ARHGAP21: variants seen among roughly 807,000 people sequenced by gnomAD.
The protein encoded by ARHGAP21 is rho GTPase-activating protein 21.
In ARHGAP21, 38 loss-of-function variants were observed where a neutral mutation model predicts 164.6. The ratio of observed to expected loss-of-function variants is 0.23; its 90% CI spans 0.18 to 0.30. ARHGAP21 has a LOEUF of 0.30. Ranked by LOEUF, ARHGAP21 falls within the 10% of genes least tolerant of loss-of-function variation. The pLI is 1.00. For synonymous variants in ARHGAP21, 766 were observed against 857.9 expected (o/e 0.89, Z 1.87); for missense variants, 1,822 against 2,370.7 (o/e 0.77, Z 4.81).
At chr10:24,592,573 C>T (rs368535386) in intron 21 of ARHGAP21, among the ~76,000 whole-genome samples, 3 of 151,820 alleles carry the variant, frequency 2.0e-5, no homozygotes, top group East Asian at 1.9e-4. Context: ...TTTGGGGGAC[C>T]GAGTCAGGTG....
intron 3 of ARHGAP21, among the ~76,000 whole-genome samples, chr10:24,668,828 T>C (rs962959241): frequency 6.6e-6 from 1 of 152,178 alleles, no homozygotes; most frequent in South Asian, 2.1e-4. Flanking sequence ...TAATAATACA[T>C]GTTTATATAA....
intron 4 of ARHGAP21, among the ~76,000 whole-genome samples, chr10:24,663,952 A>C (rs1457785180): frequency 1.3e-5 from 2 of 152,218 alleles, no homozygotes; most frequent in Non-Finnish European, 2.9e-5. Flanking sequence ...GTGTATAAAG[A>C]GGGTACATTA....
intron 7 of ARHGAP21, among the ~76,000 whole-genome samples, chr10:24,626,041 A>G (rs1835109288): frequency 6.6e-6 from 1 of 152,190 alleles, no homozygotes; most frequent in African/African-American, 2.4e-5. Flanking sequence ...TTATTATACC[A>G]GACATGCTGT....
chr10:24,624,209 A>G (rs1437217392), intron 7 of ARHGAP21, among the ~76,000 whole-genome samples: 1 of 152,184 alleles, frequency 6.6e-6, no homozygotes, highest in African/African-American at 2.4e-5. Context: ...GAATTCATTC[A>G]AGAACATTTT....
chr10:24,595,958 T>C lies in ARHGAP21; in HGVS notation c.3563A>G (p.Asn1188Ser). The C allele has an allele frequency of 6.2e-7, 1 of 1,613,530 alleles. No homozygotes were observed. The highest frequency in any genetic ancestry group is 1.1e-5 in the South Asian group (1 of 90,976). Reference protein sequence around the residue: ...EYTGIYRVPGNNAAISSMQEE... With the variant: ...EYTGIYRVPGSNAAISSMQEE... The stretch of plus-strand genomic sequence containing the variant: ...TTGCATACTTGAGATGGCTGCATTA[T>C]TTCCAGGAACTCTATAAATACCTGT... Residue 1188 changes from asparagine to serine, a missense_variant, in exon 18 of 26, where the codon AAT (asparagine) becomes AGT (serine). Physicochemically the swap from Asn to Ser is conservative, Grantham distance 46. Transcript: ENST00000396432.
Position 24,584,590 on chromosome 10 carries a change from G to A in ARHGAP21, c.5699C>T (p.Ser1900Phe). The A allele has an allele frequency of 6.2e-7, 1 of 1,613,918 alleles. No individual in the cohort carries two copies. Among genetic ancestry groups the A allele is most frequent in the South Asian group, 1.1e-5 (1 of 91,068 alleles). The change falls in exon 26 of 26, where the codon TCC (serine) becomes TTC (phenylalanine). Residue 1900 changes from serine (S) to phenylalanine (F), a missense_variant. By Grantham distance (155) the Ser-to-Phe change is radical. Transcript: ENST00000396432. ...CCTGTTTGTTGAAGCCAAGGTGCTG[G>A]AAGAACTGCCTGTGTTGCAATGAAG... ...LSLHCNTGSS[S>F]STLASTNRPL... is the part of the protein sequence containing the mutation.
In ARHGAP21 at chr10:24,595,178, T is replaced by G; in HGVS notation, c.3725A>C (p.Asp1242Ala). The G allele has an allele frequency of 2.5e-6, 4 of 1,611,216 alleles. No homozygotes were observed. Among genetic ancestry groups the G allele is most frequent in the Non-Finnish European group, 2.5e-6 (3 of 1,178,882 alleles). ...EPLFTNDKYA[D>A]FIEANRKEDP... is the part of the protein sequence containing the mutation. ...TTCTTTACGATTGGCTTCAATAAAATCAGCATATTTATCTGACGACAAGAA... is the reference window on the plus strand; with the variant it reads ...TTCTTTACGATTGGCTTCAATAAAAGCAGCATATTTATCTGACGACAAGAA... Residue 1242 changes from aspartate (D) to alanine (A), a missense_variant, in exon 20 of 26, where the codon GAT becomes GCT. Transcript: ENST00000396432.
intron 2 of ARHGAP21, among the ~76,000 whole-genome samples, chr10:24,694,160 C>T (rs1842959876): frequency 6.6e-6 from 1 of 152,192 alleles, no homozygotes; most frequent in African/African-American, 2.4e-5. Flanking sequence ...TACCATTCAA[C>T]TCACCCATAC....
chr10:24,671,849 G>A (rs1208331076), intron 2 of ARHGAP21, among the ~76,000 whole-genome samples: 1 of 149,104 alleles, frequency 6.7e-6, no homozygotes, highest in African/African-American at 2.5e-5. Context: ...CACCCTCCCA[G>A]GTAGATGGGA....
intron 2 of ARHGAP21, among the ~76,000 whole-genome samples, chr10:24,681,388 T>C (rs192343034): frequency 5.4e-4 from 82 of 152,292 alleles, no homozygotes; most frequent in African/African-American, 1.9e-3. Flanking sequence ...ATGAAAGAGA[T>C]AGGGCTGTCA....
rs35692163 is a variant in ARHGAP21 at position 24,671,884 on chromosome 10, A to ATT, written c.64-1489_64-1488dup. Among the ~76,000 whole-genome samples the ATT allele has an allele frequency of 6.1e-4, 50 of 82,542 alleles. 1 individual carries two copies. The highest frequency in any genetic ancestry group is 8.3e-4 in the South Asian group (2 of 2,414). 54.2% of individuals were successfully genotyped at this position (82,542 alleles called of 152,430 possible). On this transcript the variant is annotated intron_variant, in intron 2 of 25. Coordinates refer to ENST00000396432, the MANE Select transcript of ARHGAP21 (RefSeq NM_020824.4). ...ACTACAGGTGAATGTCATCAAGCTA[A>ATT]TTTTTTTTTTTTTTTTTTTTTTTTT...
rs768163077 is a variant in ARHGAP21, at chr10:24,621,211, G to A, written c.684C>T (p.Ser228=). Residue 228 remains serine, a synonymous_variant, in exon 9 of 26, where the codon AGC becomes AGT. Coordinates refer to ENST00000396432, the MANE Select transcript of ARHGAP21 (RefSeq NM_020824.4). ...GTACTGGTGTACTGGTTTGCTGTTTGCTCAATGATGAGTCAGGAGGAGATA... is the reference window on the plus strand; with the variant it reads ...GTACTGGTGTACTGGTTTGCTGTTTACTCAATGATGAGTCAGGAGGAGATA... The part of the protein sequence containing the change: ...VEISPPDSSL[S]KQQTSTPVLT... 140 of 1,613,822 alleles carry A rather than the reference G, an allele frequency of 8.7e-5. No individual in the cohort carries two copies. The highest frequency in any genetic ancestry group is 1.1e-4 in the Non-Finnish European group (133 of 1,179,872).
At chr10:24,633,513 T>A (rs1267921721) in intron 5 of ARHGAP21, 33 bp from the exon 6 acceptor site, 6 of 1,498,034 alleles carry the variant, frequency 4.0e-6, no homozygotes, top group Non-Finnish European at 5.5e-6. Context: ...AAATGAGAGA[T>A]CCTGCAGAAA....
chr10:24,651,618 T>C (rs1204238845), intron 4 of ARHGAP21, among the ~76,000 whole-genome samples: 1 of 152,220 alleles, frequency 6.6e-6, no homozygotes, highest in Non-Finnish European at 1.5e-5. Flanking sequence ...ATAAAAAGCA[T>C]CACACACTGT....
chr10:24,641,733 C>T (rs1231398344), intron 4 of ARHGAP21, among the ~76,000 whole-genome samples: 24 of 152,296 alleles, frequency 1.6e-4, no homozygotes, highest in Middle Eastern at 3.4e-3. Flanking sequence ...TGGTGGCTCA[C>T]GCCTGTAATC....
At chr10:24,653,220 C>G (rs1838385279) in intron 4 of ARHGAP21, among the ~76,000 whole-genome samples, 1 of 152,160 alleles carries the variant, frequency 6.6e-6, no homozygotes, top group Non-Finnish European at 1.5e-5. Flanking sequence ...GTACCCTTTC[C>G]CAGTCAATTC....
rs1400780200 is a variant in ARHGAP21 at position 24,586,173 on chromosome 10, T to C, written c.4183-67A>G. The C allele has an allele frequency of 2.4e-5, 35 of 1,465,210 alleles. No homozygotes were observed. The East Asian group carries it at 8.2e-4, about 34-fold the overall frequency. The allele number at this position is 1,465,210 out of a possible 1,614,324, so 90.8% of individuals were successfully genotyped here. A position where few individuals can be genotyped will look rare whatever the true frequency, so the allele number is the denominator to read the frequency against. ...CAGCTGAGTTCATTTTCTGACAAGC[T>C]TGTCTCCCAAATATTTCTTATCAAA... On this transcript the variant is annotated intron_variant, in intron 25 of 25. Transcript: ENST00000396432.
intron 9 of ARHGAP21, among the ~76,000 whole-genome samples, chr10:24,619,249 C>T (rs998986155): frequency 2.8e-5 from 4 of 141,858 alleles, no homozygotes; most frequent in Non-Finnish European, 6.2e-5. Flanking sequence ...GTACTAGGTA[C>T]ATGAAGTTTT....
At chr10:24,623,099 T>C (rs559511435) in intron 7 of ARHGAP21, among the ~76,000 whole-genome samples, 2 of 152,296 alleles carry the variant, frequency 1.3e-5, no homozygotes, top group East Asian at 3.9e-4. Flanking sequence ...AAAGCAACAG[T>C]GATGTCTCTC....
Sources: gnomAD v4.1 joint callset for allele counts (sites outside exome capture counted in the v4.1 genomes callset) on GRCh38, gnomAD v4.1.1 for gene constraint, MANE v1.5 for transcripts, NCBI Gene and HGNC (gene_info 2026-07-23, HGNC 2026-07-21) for gene names.